SPMIP11: variants seen among roughly 807,000 people sequenced by gnomAD.
The protein encoded by SPMIP11 is long intergenic non-protein coding RNA 935.
chr12:48,747,460 A>G, the SPMIP11 span, among the ~76,000 whole-genome samples: 1 of 152,260 alleles, frequency 6.6e-6, no homozygotes, highest in East Asian at 1.9e-4. Context: ...TCCACCTCCC[A>G]CTTTGATCAG....
At chr12:48,745,916 A>G in the SPMIP11 span, among the ~76,000 whole-genome samples, 4 of 152,190 alleles carry the variant, frequency 2.6e-5, no homozygotes, top group African/African-American at 9.6e-5. Context: ...TCGTATGTAT[A>G]AATCATGTAT....
the SPMIP11 span, among the ~76,000 whole-genome samples, chr12:48,739,006 A>G: frequency 2.6e-5 from 4 of 151,048 alleles, no homozygotes; most frequent in Non-Finnish European, 5.9e-5. Context: ...TCCAAGGACC[A>G]TTTTTGGTCC....
At chr12:48,749,071 G>A in the SPMIP11 span, among the ~76,000 whole-genome samples, 1 of 152,046 alleles carries the variant, frequency 6.6e-6, no homozygotes, top group Non-Finnish European at 1.5e-5. Context: ...AGACCAACCT[G>A]ACCAACATGG....
the SPMIP11 span, among the ~76,000 whole-genome samples, chr12:48,732,770 G>GA: frequency 5.5e-3 from 601 of 109,750 alleles, 4 homozygotes; most frequent in Non-Finnish European, 7.1e-3. Context: ...AACTCCATCT[G>GA]AAAAAAAAAA....
chr12:48,757,612 C>G, the SPMIP11 span, among the ~76,000 whole-genome samples: 1 of 150,342 alleles, frequency 6.7e-6, no homozygotes, highest in East Asian at 2.0e-4. Context: ...CACCACTGCA[C>G]TGCAGCCTGG....
At chr12:48,759,414 CTT>C in the SPMIP11 span, 12 of 672,810 alleles carry the variant, frequency 1.8e-5, no homozygotes, top group African/African-American at 1.9e-4. Context: ...TGAGGCCGGG[CTT>C]GGTGGCTCAT....
the SPMIP11 span, among the ~76,000 whole-genome samples, chr12:48,762,340 G>A: frequency 7.6e-6 from 1 of 130,856 alleles, no homozygotes; most frequent in Admixed American, 8.0e-5. Context: ...TTACAGGCGT[G>A]AGCCACCCCG....
At chr12:48,739,608 G>A in the SPMIP11 span, among the ~76,000 whole-genome samples, 7 of 152,136 alleles carry the variant, frequency 4.6e-5, no homozygotes, top group South Asian at 1.4e-3. Context: ...TACACTCATG[G>A]TGGCAGGCAA....
the SPMIP11 span, chr12:48,736,131 T>C: frequency 2.2e-6 from 1 of 451,538 alleles, no homozygotes; most frequent in Non-Finnish European, 4.5e-6. Context: ...CTGGCCTCCA[T>C]GGTAGCTCAC....
the SPMIP11 span, chr12:48,727,672 G>T: frequency 1.6e-6 from 1 of 634,880 alleles, no homozygotes; most frequent in East Asian, 2.8e-5. Context: ...TATCCTCCAA[G>T]GCCAACAGTT....
the SPMIP11 span, among the ~76,000 whole-genome samples, chr12:48,737,087 C>G: frequency 6.6e-6 from 1 of 151,766 alleles, no homozygotes; most frequent in East Asian, 1.9e-4. Flanking sequence ...GTGGCTGGAA[C>G]TGCAGGCACA....
the SPMIP11 span, chr12:48,727,617 TA>T: frequency 1.2e-5 from 8 of 691,334 alleles, no homozygotes; most frequent in Middle Eastern, 2.3e-4. Flanking sequence ...AGATGCTTCA[TA>T]GCCACTTCCT....
chr12:48,758,418 G>A, the SPMIP11 span, among the ~76,000 whole-genome samples: 1 of 152,154 alleles, frequency 6.6e-6, no homozygotes, highest in African/African-American at 2.4e-5. Context: ...GCCACCTCCC[G>A]TCACTAGCGG....
chr12:48,763,639 A>G, the SPMIP11 span, among the ~76,000 whole-genome samples: 1 of 152,020 alleles, frequency 6.6e-6, no homozygotes, highest in African/African-American at 2.4e-5. Flanking sequence ...TACAAATTTT[A>G]TACTGGTAGA....
chr12:48,765,551 TCTC>T, the SPMIP11 span: 1 of 701,780 alleles, frequency 1.4e-6, no homozygotes. Flanking sequence ...TTTTTAAGGA[TCTC>T]CTGCTCTCCA....
At chr12:48,731,747 C>G in the SPMIP11 span, among the ~76,000 whole-genome samples, 1 of 152,228 alleles carries the variant, frequency 6.6e-6, no homozygotes, top group African/African-American at 2.4e-5. Flanking sequence ...ATCTCTCTCC[C>G]TCTCTCTCTT....
the SPMIP11 span, among the ~76,000 whole-genome samples, chr12:48,749,934 G>T: frequency 2.0e-5 from 3 of 151,506 alleles, no homozygotes; most frequent in East Asian, 2.0e-4. Context: ...CTCGTGATCC[G>T]CCTGCCTCGG....
At chr12:48,744,385 G>A in the SPMIP11 span, among the ~76,000 whole-genome samples, 9 of 152,246 alleles carry the variant, frequency 5.9e-5, no homozygotes, top group East Asian at 1.7e-3. Flanking sequence ...CAGCCTGGGT[G>A]ACAGAGTGAG....
the SPMIP11 span, among the ~76,000 whole-genome samples, chr12:48,729,671 C>T: frequency 3.3e-4 from 49 of 148,416 alleles, no homozygotes; most frequent in South Asian, 1.0e-2. Flanking sequence ...GATCGCGCCA[C>T]TGCACTTCAG....
Sources: gnomAD v4.1 joint callset for allele counts (sites outside exome capture counted in the v4.1 genomes callset) on GRCh38, gnomAD v4.1.1 for gene constraint, MANE v1.5 for transcripts, NCBI Gene and HGNC (gene_info 2026-07-23, HGNC 2026-07-21) for gene names.